The following TDRP variants were observed in gnomAD, a reference collection of about 807,000 sequenced individuals.
TDRP encodes testis development related protein, also known as testis development-related protein.
Under a neutral mutation model 10.5 loss-of-function variants are expected in TDRP, and 12 were observed. The ratio of observed to expected loss-of-function variants is 1.15; its 90% confidence interval spans 0.73 to 1.86. The LOEUF (loss-of-function observed/expected upper bound fraction) is 1.86. TDRP is among the 40% of genes most tolerant of loss of function. The pLI, the probability that TDRP is intolerant of heterozygous loss-of-function variation, is 0.00. For synonymous variants in TDRP, 139 were observed against 95.4 expected, an observed-to-expected ratio of 1.46 and a Z score of -2.67; for missense variants, 353 against 229.2, an observed-to-expected ratio of 1.54 and a Z score of -3.49.
chr8:491,540 C>A lies in TDRP; in HGVS notation c.*859G>T. On this transcript the variant is annotated 3_prime_UTR_variant, in exon 3 of 3. Transcript: ENST00000324079. The stretch of plus-strand genomic sequence containing the variant: ...CAATAGGCATCTCGCTTTGCAAGAA[C>A]AAACATATGAGCCTAATAAAAAAGA... 7.1e-7 allele frequency: 1 copy of A among 1,407,594 alleles called. No individual in the cohort carries two copies. The highest frequency in any genetic ancestry group is 1.5e-5 in the African/African-American group (1 of 68,502). The allele number at this position is 1,407,594 out of a possible 1,614,324, so 87.2% of individuals were successfully genotyped here. A position where few individuals can be genotyped will look rare whatever the true frequency, so the allele number is the denominator to read the frequency against.
chr8:533,600 A>G (rs901453025), intron 1 of TDRP, among the ~76,000 whole-genome samples: 1 of 152,130 alleles, frequency 6.6e-6, no homozygotes, highest in Non-Finnish European at 1.5e-5. Context: ...CCTCCTCCTT[A>G]AACAGGTAGT....
intron 1 of TDRP, among the ~76,000 whole-genome samples, chr8:509,757 G>T (rs755884552): frequency 6.6e-5 from 10 of 152,198 alleles, no homozygotes; most frequent in Non-Finnish European, 1.3e-4. Flanking sequence ...AATTTCTGCA[G>T]CTGGCTTGAA....
chr8:542,407 G>A (rs570996426), intron 1 of TDRP, among the ~76,000 whole-genome samples: 1 of 151,892 alleles, frequency 6.6e-6, no homozygotes, highest in African/African-American at 2.4e-5. Flanking sequence ...TCCACAGATT[G>A]TAACAAACGC....
intron 1 of TDRP, among the ~76,000 whole-genome samples, chr8:529,306 A>T (rs1004980387): frequency 2.0e-5 from 3 of 152,240 alleles, no homozygotes; most frequent in African/African-American, 7.2e-5. Context: ...TTAAAAATTA[A>T]AAAACCAAAT....
At chr8:497,482 CTAACAGCAT>C (rs777175362) in intron 1 of TDRP, among the ~76,000 whole-genome samples, 14 of 152,144 alleles carry the variant, frequency 9.2e-5, no homozygotes, top group Non-Finnish European at 1.6e-4. Flanking sequence ...CTGGGTGCTC[CTAACAGCAT>C]ACAGTCATAT....
chr8:521,404 G>GAA (rs1801902176), intron 1 of TDRP, among the ~76,000 whole-genome samples: 1 of 151,806 alleles, frequency 6.6e-6, no homozygotes, highest in Non-Finnish European at 1.5e-5. Context: ...GCAAGAGAGA[G>GAA]AGATGCCGTC....
chr8:537,144 C>A (rs1802366977), intron 1 of TDRP, among the ~76,000 whole-genome samples: 1 of 152,244 alleles, frequency 6.6e-6, no homozygotes, highest in South Asian at 2.1e-4. Context: ...CAGGTACACT[C>A]CTCTCAGGGG....
At chr8:542,444 G>A (rs761908187) in intron 1 of TDRP, among the ~76,000 whole-genome samples, 3 of 152,030 alleles carry the variant, frequency 2.0e-5, no homozygotes, top group Admixed American at 6.6e-5. Context: ...GATGATAGTG[G>A]GGGGCTGGGG....
intron 1 of TDRP, among the ~76,000 whole-genome samples, chr8:522,717 T>C (rs1255662012): frequency 1.3e-5 from 2 of 152,210 alleles, no homozygotes; most frequent in Admixed American, 1.3e-4. Context: ...ACCTAAATAA[T>C]TAAATAATTC....
At position 520,064 on chromosome 8, in the gene TDRP, C is replaced by T. The variant is rs567824321; in HGVS notation, c.108+24586G>A. On this transcript the variant is annotated intron_variant, in intron 1 of 2. Coordinates refer to ENST00000324079, the MANE Select transcript of TDRP (RefSeq NM_001384899.1). Reference sequence around the variant, plus strand: ...AGCTGTATTTCAAAATGAAAGGAAACACATAGGCAGTTTTGTTTCAAAGTT... The same window carrying T: ...AGCTGTATTTCAAAATGAAAGGAAATACATAGGCAGTTTTGTTTCAAAGTT... Among the ~76,000 whole-genome samples the T allele has an allele frequency of 3.9e-5, 6 of 152,294 alleles. No individual in the cohort carries two copies. In the East Asian group the frequency reaches 7.7e-4, roughly 20 times the overall value.
chr8:536,027 A>C (rs1802341260), intron 1 of TDRP, among the ~76,000 whole-genome samples: 1 of 152,222 alleles, frequency 6.6e-6, no homozygotes, highest in Non-Finnish European at 1.5e-5. Flanking sequence ...CTTAAGCCCT[A>C]GCAAAAATCA....
At chr8:497,788 G>C (rs1801175958) in intron 1 of TDRP, among the ~76,000 whole-genome samples, 1 of 152,178 alleles carries the variant, frequency 6.6e-6, no homozygotes, top group African/African-American at 2.4e-5. Flanking sequence ...TTCTGGGCCA[G>C]GCCCAGGGTC....
rs189183193 is a variant in TDRP, at chr8:511,618, G to A, written c.109-17021C>T. Among the ~76,000 whole-genome samples the A allele has an allele frequency of 3.0e-3, 453 of 152,270 alleles. 1 individual carries two copies. Among genetic ancestry groups the A allele is most frequent in the Admixed American group, 5.0e-3 (76 of 15,292 alleles). On this transcript the variant is annotated intron_variant, in intron 1 of 2. Transcript: ENST00000324079. ...TAATAAGACCTAACAGATAGTTACA[G>A]AACTCTCCAACAATAGAATGTACAT...
chr8:516,857 C>G (rs1408660970), intron 1 of TDRP, among the ~76,000 whole-genome samples: 1 of 152,286 alleles, frequency 6.6e-6, no homozygotes, highest in African/African-American at 2.4e-5. Context: ...TTGGAAGCAA[C>G]CAAGATGCCC....
intron 1 of TDRP, among the ~76,000 whole-genome samples, chr8:505,759 G>C (rs537627492): frequency 2.8e-4 from 43 of 152,282 alleles, no homozygotes; most frequent in Admixed American, 2.1e-3. Context: ...GAGAAATCGT[G>C]AGCTGCTGTG....
rs1800993752 is a variant in TDRP at position 492,104 on chromosome 8, A to G, written c.*295T>C. The stretch of plus-strand genomic sequence containing the variant: ...ATCATTTTGTGAGAAACTGCAAATC[A>G]TTACTGCTGTATTATGGGAGAGCAT... On this transcript the variant is annotated 3_prime_UTR_variant, in exon 3 of 3. Transcript: ENST00000324079. The G allele has an allele frequency of 3.3e-6, 4 of 1,203,358 alleles. No homozygotes were observed. Among genetic ancestry groups the G allele is most frequent in the South Asian group, 7.8e-5 (2 of 25,798 alleles). The allele number at this position is 1,203,358 out of a possible 1,614,324, so 74.5% of individuals were successfully genotyped here.
chr8:543,249 G>A (rs527610871), intron 1 of TDRP, among the ~76,000 whole-genome samples: 1 of 152,234 alleles, frequency 6.6e-6, no homozygotes, highest in African/African-American at 2.4e-5. Flanking sequence ...GCAGGTTGAG[G>A]CCGTAGTGAG....
intron 1 of TDRP, among the ~76,000 whole-genome samples, chr8:508,005 A>C (rs1473508437): frequency 6.6e-5 from 10 of 152,254 alleles, no homozygotes; most frequent in Admixed American, 6.5e-4. Context: ...ACATCAGAAA[A>C]CAACAGCAGG....
intron 1 of TDRP, among the ~76,000 whole-genome samples, chr8:529,418 T>C (rs936623406): frequency 3.9e-5 from 6 of 152,224 alleles, no homozygotes; most frequent in Non-Finnish European, 8.8e-5. Context: ...CCACCATTAC[T>C]ATATTATAGG....
Sources: allele counts gnomAD v4.1 joint callset (sites outside exome capture counted in the v4.1 genomes callset), GRCh38; gene constraint gnomAD v4.1.1; transcripts MANE v1.5; gene names NCBI Gene and HGNC (gene_info 2026-07-23, HGNC 2026-07-21).